Variants in BRINP3 observed in about 807,000 individuals in gnomAD.
BRINP3 encodes the protein BMP/retinoic acid inducible neural specific 3.
Under a neutral mutation model 71.0 loss-of-function variants are expected in BRINP3, and 19 were observed. That is an observed-to-expected ratio of 0.27 (90% CI 0.19 to 0.39). The LOEUF (loss-of-function observed/expected upper bound fraction) is 0.39. Among genes scored for constraint, BRINP3 ranks in the 10% least tolerant of loss-of-function variants. BRINP3 has a pLI of 1.00. For synonymous variants in BRINP3, 380 were observed against 337.7 expected (o/e 1.13, Z -1.37); for missense variants, 959 against 940.8 (o/e 1.02, Z -0.25).
chr1:190,384,678 A>C (rs572589658), intron 2 of BRINP3, among the ~76,000 whole-genome samples: 2 of 152,112 alleles, frequency 1.3e-5, no homozygotes, highest in East Asian at 3.9e-4. Context: ...TACTGTTATC[A>C]CATCCTTTAT....
chr1:190,237,113 T>C lies in BRINP3; in HGVS notation c.619-2636A>G, dbSNP rs142506590. 3.9e-5 allele frequency among the ~76,000 whole-genome samples: 6 copies of C among 152,034 alleles called. No individual in the cohort carries two copies. The East Asian group carries it at 9.6e-4, about 24-fold the overall frequency. On this transcript the variant is annotated intron_variant, in intron 4 of 7. Coordinates refer to ENST00000367462, the MANE Select transcript of BRINP3 (RefSeq NM_199051.3). ...ATAATAGACATACGTTTTGAGAATA[T>C]TTGAATATCTCTGTCCTTATATATT...
At chr1:190,148,163 T>G (rs904301469) in intron 7 of BRINP3, among the ~76,000 whole-genome samples, 1 of 152,156 alleles carries the variant, frequency 6.6e-6, no homozygotes, top group Non-Finnish European at 1.5e-5. Flanking sequence ...GAGTCTTTTT[T>G]CATCCAATTT....
chr1:190,458,257 T>C (rs1676142577), intron 1 of BRINP3, among the ~76,000 whole-genome samples: 1 of 152,150 alleles, frequency 6.6e-6, no homozygotes, highest in African/African-American at 2.4e-5. Flanking sequence ...ATTAAGTTAA[T>C]TTTGGTGATA....
chr1:190,300,245 G>A (rs1417620437), intron 2 of BRINP3, among the ~76,000 whole-genome samples: 1 of 152,062 alleles, frequency 6.6e-6, no homozygotes, highest in Non-Finnish European at 1.5e-5. Flanking sequence ...GGCTTTGCTT[G>A]TTTCTTTTTA....
intron 2 of BRINP3, among the ~76,000 whole-genome samples, chr1:190,453,016 T>TA (rs1675724699): frequency 6.6e-6 from 1 of 152,032 alleles, no homozygotes; most frequent in Non-Finnish European, 1.5e-5. Flanking sequence ...GTTTGTGTGA[T>TA]AGAGTGTTAA....
intron 6 of BRINP3, among the ~76,000 whole-genome samples, chr1:190,195,977 G>A (rs371654038): frequency 6.6e-6 from 1 of 152,180 alleles, no homozygotes; most frequent in African/African-American, 2.4e-5. Context: ...AATATTACAT[G>A]TAAGATAACT....
chr1:190,337,741 G>T (rs1057321103), intron 2 of BRINP3, among the ~76,000 whole-genome samples: 1 of 151,972 alleles, frequency 6.6e-6, no homozygotes, highest in African/African-American at 2.4e-5. Flanking sequence ...TTGTGATCAC[G>T]TCAGTCAATT....
At chr1:190,346,768 T>G (rs762504812) in intron 2 of BRINP3, among the ~76,000 whole-genome samples, 1 of 152,132 alleles carries the variant, frequency 6.6e-6, no homozygotes, top group Non-Finnish European at 1.5e-5. Flanking sequence ...TGCCCCAGAA[T>G]AGTATACTTA....
chr1:190,445,146 T>TA (rs1294464338), intron 2 of BRINP3, among the ~76,000 whole-genome samples: 10 of 152,052 alleles, frequency 6.6e-5, no homozygotes, highest in South Asian at 2.1e-4. Flanking sequence ...TTGGGGAAAT[T>TA]AAAAAAATAG....
At chr1:190,338,007 A>C (rs753605960) in intron 2 of BRINP3, among the ~76,000 whole-genome samples, 8 of 152,026 alleles carry the variant, frequency 5.3e-5, no homozygotes, top group Admixed American at 1.3e-4. Context: ...CTTCAACTAT[A>C]CTTTAAAAAC....
chr1:190,446,331 A>C (rs1675217509), intron 2 of BRINP3, among the ~76,000 whole-genome samples: 1 of 152,076 alleles, frequency 6.6e-6, no homozygotes, highest in Non-Finnish European at 1.5e-5. Flanking sequence ...CTCTTAATTT[A>C]TCATTGCACC....
At chr1:190,130,404 AT>A (rs1248819149) in intron 7 of BRINP3, among the ~76,000 whole-genome samples, 2 of 152,010 alleles carry the variant, frequency 1.3e-5, no homozygotes, top group Non-Finnish European at 2.9e-5. Flanking sequence ...TAGATTTCAT[AT>A]CTTTAAAACT....
At chr1:190,206,878 G>T (rs10800936) in intron 6 of BRINP3, among the ~76,000 whole-genome samples, 85,348 of 151,494 alleles carry the variant, frequency 0.56, 24,279 homozygotes, top group Admixed American at 0.68. Context: ...GATAGTTGTA[G>T]GCAAATACCT....
intron 4 of BRINP3, among the ~76,000 whole-genome samples, chr1:190,254,393 T>G (rs763106624): frequency 2.0e-5 from 3 of 152,174 alleles, no homozygotes; most frequent in Non-Finnish European, 4.4e-5. Flanking sequence ...TATTGATTCT[T>G]CCTATCCATG....
At position 190,413,005 on chromosome 1, in the gene BRINP3, T is replaced by G. The variant is rs559508934; in HGVS notation, c.236+41650A>C. The stretch of plus-strand genomic sequence containing the variant: ...GAAATATTTTGCTTCATCACATTAA[T>G]AAAATTTTTAAAAATCTCTTTATGT... On this transcript the variant is annotated intron_variant, in intron 2 of 7. Transcript: ENST00000367462. Among the ~76,000 whole-genome samples, 3 of 152,324 alleles carry G rather than the reference T, an allele frequency of 2.0e-5. No individual in the cohort carries two copies. In the East Asian group the frequency reaches 5.8e-4, roughly 29 times the overall value.
At chr1:190,327,326 CAAAAAAAAA>C (rs1227478693) in intron 2 of BRINP3, among the ~76,000 whole-genome samples, 643 of 44,288 alleles carry the variant, frequency 0.015, 4 homozygotes, top group African/African-American at 0.04. Flanking sequence ...AAAAAAAGAA[CAAAAAAAAA>C]AAAAAAAAAA....
intron 2 of BRINP3, among the ~76,000 whole-genome samples, chr1:190,315,396 T>A (rs184694952): frequency 6.6e-6 from 1 of 152,008 alleles, no homozygotes; most frequent in African/African-American, 2.4e-5. Flanking sequence ...CAGAGAGCAA[T>A]GGATAAGAAC....
intron 6 of BRINP3, among the ~76,000 whole-genome samples, chr1:190,170,052 T>C (rs188423886): frequency 2.6e-5 from 4 of 152,220 alleles, no homozygotes. Flanking sequence ...CCTTAATAAA[T>C]ATAAATTTTT....
At chr1:190,367,225 G>C (rs192469547) in intron 2 of BRINP3, among the ~76,000 whole-genome samples, 7 of 152,224 alleles carry the variant, frequency 4.6e-5, no homozygotes, top group Non-Finnish European at 7.3e-5. Flanking sequence ...TCTAGGCAGA[G>C]GTTCCTCAAC....
Sources: gnomAD v4.1 joint callset for allele counts (sites outside exome capture counted in the v4.1 genomes callset) on GRCh38, gnomAD v4.1.1 for gene constraint, MANE v1.5 for transcripts, NCBI Gene and HGNC (gene_info 2026-07-23, HGNC 2026-07-21) for gene names.